Variants in ENPEP observed in about 807,000 individuals in gnomAD.
The protein encoded by ENPEP is AP-A.
In ENPEP, 103 loss-of-function variants were observed where a neutral mutation model predicts 114.5. That is an observed-to-expected ratio of 0.90 (90% CI 0.77 to 1.06). The LOEUF (loss-of-function observed/expected upper bound fraction) is 1.06, where lower values mean the gene tolerates loss of function less well. Ranked by LOEUF, ENPEP falls within the 50% of genes least tolerant of loss-of-function variation. The pLI, the probability that ENPEP is intolerant of heterozygous loss-of-function variation, is 0.00. For missense variants in ENPEP, 1,196 were observed against 1,161.3 expected, an observed-to-expected ratio of 1.03 and a Z score of -0.43; for synonymous variants, 420 against 422.0, an observed-to-expected ratio of 1.00 and a Z score of 0.06.
intron 17 of ENPEP, among the ~76,000 whole-genome samples, chr4:110,551,257 G>T (rs1202461967): frequency 6.6e-6 from 1 of 151,988 alleles, no homozygotes; most frequent in Non-Finnish European, 1.5e-5. Context: ...ATAAATTCAG[G>T]ATCCCACGAC....
In ENPEP at chr4:110,476,349, T is replaced by A; in HGVS notation, c.-66T>A. 6.8e-7 allele frequency: 1 copy of A among 1,476,618 alleles called. No individual in the cohort carries two copies. The highest frequency in any genetic ancestry group is 9.0e-7 in the Non-Finnish European group (1 of 1,109,632). The allele number at this position is 1,476,618 out of a possible 1,614,324, so 91.5% of individuals were successfully genotyped here. A position where few individuals can be genotyped will look rare whatever the true frequency, so the allele number is the denominator to read the frequency against. Reference sequence around the variant, plus strand: ...GATTCCTTCCAATTTAAAAAGGAAGTCTGCTGACGTTAGTTAGTTAAATTT... The same window carrying A: ...GATTCCTTCCAATTTAAAAAGGAAGACTGCTGACGTTAGTTAGTTAAATTT... On this transcript the variant is annotated 5_prime_UTR_variant, in exon 1 of 20. Transcript: ENST00000265162.
In ENPEP at chr4:110,520,249, C is replaced by T. The variant is rs2110363159; in HGVS notation, c.1610C>T (p.Thr537Ile). ...SRLPVKEVMDTWTRQMGYPVL... is the reference protein window; with the variant it reads ...SRLPVKEVMDIWTRQMGYPVL... ...CTACCAGTGAAAGAAGTAATGGACA[C>T]CTGGACCAGACAGATGGGTTATCCT... The change falls in exon 10 of 20, where the codon ACC (threonine) becomes ATC (isoleucine). Residue 537 changes from threonine to isoleucine, a missense_variant. Thr to Ile is a moderately conservative substitution (Grantham distance 89). Coordinates refer to ENST00000265162, the MANE Select transcript of ENPEP (RefSeq NM_001977.4). 1.2e-6 allele frequency: 2 copies of T among 1,613,988 alleles called. No individual in the cohort carries two copies. The highest frequency in any genetic ancestry group is 4.5e-5 in the East Asian group (2 of 44,868).
At position 110,476,860 on chromosome 4, in the gene ENPEP, G is replaced by C; in HGVS notation, c.446G>C (p.Arg149Thr). 1 of 1,614,104 alleles carries C rather than the reference G, an allele frequency of 6.2e-7. No homozygotes were observed. The highest frequency in any genetic ancestry group is 2.2e-5 in the East Asian group (1 of 44,866). The change falls in exon 1 of 20, where the codon AGG becomes ACG. Residue 149 changes from arginine to threonine, a missense_variant. Arg to Thr is a moderately conservative substitution (Grantham distance 71). Coordinates refer to ENST00000265162, the MANE Select transcript of ENPEP (RefSeq NM_001977.4). ...TRITRLPELK[R>T]PSGDQVQVRR... ...ATCACCCGGCTCCCGGAGCTGAAGA[G>C]GCCCTCTGGGGACCAGGTGCAAGTC... is the stretch of plus-strand genomic sequence containing the variant.
At chr4:110,558,923 G>C (rs78283506) in intron 18 of ENPEP, among the ~76,000 whole-genome samples, 1 of 152,174 alleles carries the variant, frequency 6.6e-6, no homozygotes, top group Non-Finnish European at 1.5e-5. Context: ...AACTAATAAA[G>C]CTTTTTGAAA....
At chr4:110,556,238 A>C (rs1727466843) in intron 18 of ENPEP, among the ~76,000 whole-genome samples, 1 of 152,046 alleles carries the variant, frequency 6.6e-6, no homozygotes, top group Non-Finnish European at 1.5e-5. Flanking sequence ...GCATACAAAC[A>C]AAAATAAGAG....
At position 110,515,899 on chromosome 4, in the gene ENPEP, G is replaced by GGA. The variant is rs140895730; in HGVS notation, c.1509+469_1509+470dup. 5.8e-3 allele frequency: 2,402 copies of GGA among 417,556 alleles called. 43 individuals are homozygous for GGA. Among genetic ancestry groups the GGA allele is most frequent in the African/African-American group, 0.043 (2,124 of 48,958 alleles). The allele number at this position is 417,556 out of a possible 1,614,324, so 25.9% of individuals were successfully genotyped here. Reference sequence around the variant, plus strand: ...GTCCTCATAGCAGAGAGAGAGAGAGGGAGAGAGAGAGAGCACTCTGGTGTC... The same window carrying GGA: ...GTCCTCATAGCAGAGAGAGAGAGAGGGAGAGAGAGAGAGAGCACTCTGGTGTC... On this transcript the variant is annotated intron_variant, in intron 8 of 19. Coordinates refer to ENST00000265162, the MANE Select transcript of ENPEP (RefSeq NM_001977.4).
chr4:110,549,813 A>G lies in ENPEP; in HGVS notation c.2428A>G (p.Thr810Ala). Residue 810 changes from threonine to alanine, a missense_variant, in exon 17 of 20, where the codon ACT becomes GCT. Coordinates refer to ENST00000265162, the MANE Select transcript of ENPEP (RefSeq NM_001977.4). ...CTACACTCTTGAGCAATACCAGAAA[A>G]CTTCATTAGCTCAAGAAAAAGAAAA... Reference protein sequence around the residue: ...WNYTLEQYQKTSLAQEKEKLL... With the variant: ...WNYTLEQYQKASLAQEKEKLL... 6.2e-7 allele frequency: 1 copy of G among 1,613,304 alleles called. No homozygotes were observed. Among genetic ancestry groups the G allele is most frequent in the Non-Finnish European group, 8.5e-7 (1 of 1,179,516 alleles).
intron 10 of ENPEP, among the ~76,000 whole-genome samples, chr4:110,521,755 C>T (rs1281814858): frequency 6.6e-6 from 1 of 152,024 alleles, no homozygotes; most frequent in Non-Finnish European, 1.5e-5. Flanking sequence ...AATTAATAGA[C>T]CAACTAAAAA....
At chr4:110,533,041 T>C (rs1726465860) in intron 11 of ENPEP, 2 of 446,724 alleles carry the variant, frequency 4.5e-6, no homozygotes, top group Non-Finnish European at 9.0e-6. Flanking sequence ...TTTCAGTGGA[T>C]TTGGTTTAAC....
chr4:110,485,233 A>G (rs966381735), intron 1 of ENPEP, among the ~76,000 whole-genome samples: 2 of 152,232 alleles, frequency 1.3e-5, no homozygotes, highest in African/African-American at 4.8e-5. Context: ...TTAATGTCAC[A>G]AAACTAATCA....
intron 1 of ENPEP, among the ~76,000 whole-genome samples, chr4:110,479,204 G>A (rs1560548960): frequency 6.6e-6 from 1 of 152,070 alleles, no homozygotes; most frequent in East Asian, 1.9e-4. Flanking sequence ...TTCCAATATA[G>A]CATCAATGCT....
chr4:110,502,047 A>AT (rs1725182917), intron 3 of ENPEP, among the ~76,000 whole-genome samples: 1 of 152,186 alleles, frequency 6.6e-6, no homozygotes, highest in South Asian at 2.1e-4. Context: ...CATGTTGAGC[A>AT]TTTTTTCATA....
intron 18 of ENPEP, among the ~76,000 whole-genome samples, chr4:110,558,294 A>ATATATATATATATATAT (rs1727558733): frequency 2.3e-5 from 3 of 128,794 alleles, no homozygotes; most frequent in African/African-American, 8.4e-5. Flanking sequence ...ATATATATAT[A>ATATATATATATATATAT]AATTTTTTTT....
At chr4:110,507,052 T>C (rs1288032478) in intron 4 of ENPEP, among the ~76,000 whole-genome samples, 2 of 152,188 alleles carry the variant, frequency 1.3e-5, no homozygotes, top group Non-Finnish European at 2.9e-5. Flanking sequence ...AGCTTGGTAG[T>C]GATGGAGCCA....
At chr4:110,514,234 A>G (rs1725680023) in intron 7 of ENPEP, among the ~76,000 whole-genome samples, 1 of 152,078 alleles carries the variant, frequency 6.6e-6, no homozygotes, top group South Asian at 2.1e-4. Context: ...CTACACTGAG[A>G]TGCTTAGAAG....
chr4:110,550,642 T>A (rs1727253805), intron 17 of ENPEP, among the ~76,000 whole-genome samples: 1 of 152,146 alleles, frequency 6.6e-6, no homozygotes, highest in Non-Finnish European at 1.5e-5. Context: ...TAATTCATTT[T>A]TTGCTTAGTT....
rs191638983 is a variant in ENPEP at position 110,557,060 on chromosome 4, T to G, written c.2643-2587T>G. 1.1e-3 allele frequency among the ~76,000 whole-genome samples: 169 copies of G among 152,236 alleles called. No individual in the cohort carries two copies. The Middle Eastern group carries it at 0.031, about 28-fold the overall frequency. On this transcript the variant is annotated intron_variant, in intron 18 of 19. Transcript: ENST00000265162. ...TCTTAGGCAAAAATGTTATTCAAAA[T>G]GGTAGACCATGGAATCTAAACTACA...
Position 110,545,637 on chromosome 4 carries a change from C to T in ENPEP, c.2001-2539C>T, listed in dbSNP as rs141991428. Among the ~76,000 whole-genome samples, 70 of 152,068 alleles carry T rather than the reference C, an allele frequency of 4.6e-4. No homozygotes were observed. The East Asian group carries it at 0.013, about 27-fold the overall frequency. ...TGAGAGGGAGAAAAATCCTGATGTG[C>T]TGCCTACTTTTGGTCCTCTCTGAAC... On this transcript the variant is annotated intron_variant, in intron 13 of 19. Coordinates refer to ENST00000265162, the MANE Select transcript of ENPEP (RefSeq NM_001977.4).
chr4:110,504,887 C>A (rs755663705), intron 3 of ENPEP, among the ~76,000 whole-genome samples: 1 of 152,140 alleles, frequency 6.6e-6, no homozygotes, highest in Non-Finnish European at 1.5e-5. Flanking sequence ...GAGACCTCAC[C>A]ATGATCTTTC....
Sources: gnomAD v4.1 joint callset for allele counts (sites outside exome capture counted in the v4.1 genomes callset) on GRCh38, gnomAD v4.1.1 for gene constraint, MANE v1.5 for transcripts, NCBI Gene and HGNC (gene_info 2026-07-23, HGNC 2026-07-21) for gene names.